Variants in NUP188 observed in about 807,000 individuals in gnomAD.
The protein encoded by NUP188 is nucleoporin NUP188.
A neutral mutation model predicts 223.0 loss-of-function variants in NUP188; 97 were observed. The observed-to-expected ratio is 0.43, with a 90% CI of 0.37 to 0.51. NUP188 has a LOEUF of 0.51. NUP188 is among the 20% of genes least tolerant of loss of function. The pLI, the probability that NUP188 is intolerant of heterozygous loss-of-function variation, is 0.00. For missense variants in NUP188, 1,947 were observed against 2,175.6 expected, an observed-to-expected ratio of 0.89 and a Z score of 2.09; for synonymous variants, 869 against 828.0, an observed-to-expected ratio of 1.05 and a Z score of -0.85.
intron 3 of NUP188, 54 bp downstream of exon 3, chr9:128,952,900 G>T (rs183838391): frequency 1.5e-6 from 2 of 1,345,414 alleles, no homozygotes; most frequent in African/African-American, 1.4e-5. Context: ...AAGCTGACAT[G>T]GATAAAACCA....
At chr9:128,985,939 T>C (rs746387046) in intron 20 of NUP188, among the ~76,000 whole-genome samples, 2 of 152,122 alleles carry the variant, frequency 1.3e-5, no homozygotes, top group African/African-American at 2.4e-5. Context: ...CTCAGTGGGC[T>C]GAGGCAGGAG....
intron 8 of NUP188, among the ~76,000 whole-genome samples, chr9:128,967,650 C>T (rs192420452): frequency 5.3e-5 from 8 of 152,010 alleles, no homozygotes; most frequent in Admixed American, 2.0e-4. Context: ...ATCAGCCGGG[C>T]GTGGTGGCAG....
chr9:128,975,694 A>T lies in NUP188; in HGVS notation c.1203+2445A>T, dbSNP rs549373483. The stretch of plus-strand genomic sequence containing the variant: ...GCCACCACGTCTGGCGAATTTTTGT[A>T]TTTTCAGTAGACGGGGTTTTGCCAT... On this transcript the variant is annotated intron_variant, in intron 12 of 43. Transcript: ENST00000372577. Among the ~76,000 whole-genome samples the T allele has an allele frequency of 3.3e-5, 5 of 150,026 alleles. No homozygotes were observed. In the South Asian group the frequency reaches 1.1e-3, roughly 32 times the overall value.
chr9:128,977,719 A>T (rs1842195479), intron 12 of NUP188, among the ~76,000 whole-genome samples: 1 of 151,982 alleles, frequency 6.6e-6, no homozygotes, highest in Non-Finnish European at 1.5e-5. Context: ...GAATTGCTTA[A>T]ACCGGGGAGG....
At chr9:128,988,961 G>T (rs1171398164) in intron 24 of NUP188, among the ~76,000 whole-genome samples, 1 of 151,798 alleles carries the variant, frequency 6.6e-6, no homozygotes, top group Non-Finnish European at 1.5e-5. Context: ...CGCTATGTTG[G>T]CCAGGCTGGT....
In NUP188 at chr9:128,982,551, G is replaced by T. The variant is rs763933518; in HGVS notation, c.1519G>T (p.Gly507Cys). 4 of 1,609,600 alleles carry T rather than the reference G, an allele frequency of 2.5e-6. No homozygotes were observed. In the African/African-American group the frequency reaches 5.4e-5, roughly 22 times the overall value. The change falls in exon 16 of 44, where the codon GGT becomes TGT. Residue 507 changes from glycine (G) to cysteine (C), a missense_variant and splice_region_variant. Coordinates refer to ENST00000372577, the MANE Select transcript of NUP188 (RefSeq NM_015354.3). ...QTPKLLYPLG[G>C]QTNLRIPQGT... ...ACTAATTTATCTTTCTCTCTCAGGGGGTCAAACCAACCTTCGCATACCTCA... is the reference window on the plus strand; with the variant it reads ...ACTAATTTATCTTTCTCTCTCAGGGTGTCAAACCAACCTTCGCATACCTCA...
In NUP188 at chr9:128,994,400, T is replaced by A. The variant is rs768866151; in HGVS notation, c.3045T>A (p.Ser1015Arg). 6.2e-7 allele frequency: 1 copy of A among 1,613,662 alleles called. No individual in the cohort carries two copies. Among genetic ancestry groups the A allele is most frequent in the Non-Finnish European group, 8.5e-7 (1 of 1,179,584 alleles). The change falls in exon 28 of 44, where the codon AGT becomes AGA. Residue 1015 changes from serine (S) to arginine (R), a missense_variant. Physicochemically the swap from Ser to Arg is moderately radical, Grantham distance 110. Transcript: ENST00000372577. ...TKPKFWENLT[S>R]PLFGTLSPPS... ...CCAAGTTTTGGGAAAATTTAACCAG[T>A]CCGCTGTTTGGAACCCTTTCTCCTC... is the stretch of plus-strand genomic sequence containing the variant.
chr9:128,996,184 C>T (rs1203633704), intron 30 of NUP188, among the ~76,000 whole-genome samples: 1 of 150,976 alleles, frequency 6.6e-6, no homozygotes, highest in African/African-American at 2.4e-5. Flanking sequence ...GAGTCTTGCT[C>T]CGTCACCCAG....
chr9:128,995,519 G>T lies in NUP188; in HGVS notation c.3351+5G>T, dbSNP rs1029182763. 1 of 1,574,446 alleles carries T rather than the reference G, an allele frequency of 6.4e-7. No individual in the cohort carries two copies. Among genetic ancestry groups the T allele is most frequent in the Non-Finnish European group, 8.6e-7 (1 of 1,162,072 alleles). On this transcript the variant is annotated splice_donor_5th_base_variant and intron_variant, in intron 30 of 43. Transcript: ENST00000372577. The stretch of plus-strand genomic sequence containing the variant: ...CTCATCATTGCCACCACTCATGTAA[G>T]ACCCTTTTGGGGAGAGTTTTCACTT...
chr9:128,948,454 TATCTC>T (rs770095120), intron 1 of NUP188: 1 of 152,110 alleles, frequency 6.6e-6, no homozygotes, highest in South Asian at 2.1e-4. Context: ...TCCCAGGAGT[TATCTC>T]ATTCAATTCT....
intron 3 of NUP188, among the ~76,000 whole-genome samples, chr9:128,953,116 ATATT>A (rs1382043091): frequency 1.3e-5 from 2 of 152,332 alleles, no homozygotes; most frequent in South Asian, 2.1e-4. Context: ...GAATTTTCTA[ATATT>A]TATTCAGAGT....
At chr9:128,998,316 G>A (rs945102280) in intron 31 of NUP188, 88 bp downstream of exon 31, 35 of 1,246,492 alleles carry the variant, frequency 2.8e-5, no homozygotes, top group African/African-American at 1.0e-4. Context: ...CCAGCCAGCC[G>A]CACAAATAGT....
At chr9:128,981,473 C>G in intron 15 of NUP188, 83 bp downstream of exon 15, 1 of 1,376,516 alleles carries the variant, frequency 7.3e-7, no homozygotes, top group Non-Finnish European at 9.9e-7. Flanking sequence ...AGTGCAGTGG[C>G]AAGATCATAG....
At position 129,002,908 on chromosome 9, in the gene NUP188, C is replaced by A; in HGVS notation, c.4229C>A (p.Thr1410Asn). The stretch of plus-strand genomic sequence containing the variant: ...TCCCTGATGGAGCAGCTGCTCAAAA[C>A]TCTGCGCTACAACTTCCTGCCTGAG... ...SMSLMEQLLKTLRYNFLPEAL... is the reference protein window; with the variant it reads ...SMSLMEQLLKNLRYNFLPEAL... The change falls in exon 37 of 44, where the codon ACT becomes AAT. Residue 1410 changes from threonine (T) to asparagine (N), a missense_variant. Thr to Asn is a moderately conservative substitution (Grantham distance 65). This residue lies in a region of NUP188 where 905 missense variants were observed against 990.6 expected (regional missense o/e 0.91). Coordinates refer to ENST00000372577, the MANE Select transcript of NUP188 (RefSeq NM_015354.3). 1.2e-6 allele frequency: 2 copies of A among 1,614,232 alleles called. No homozygotes were observed. The highest frequency in any genetic ancestry group is 2.2e-5 in the South Asian group (2 of 91,086).
intron 3 of NUP188, among the ~76,000 whole-genome samples, chr9:128,955,535 T>C (rs997711680): frequency 1.3e-5 from 2 of 152,208 alleles, no homozygotes; most frequent in African/African-American, 4.8e-5. Context: ...ATTTATTTTA[T>C]TTATCTTATA....
intron 33 of NUP188, 119 bp downstream of exon 33, chr9:128,999,436 C>A: frequency 7.1e-7 from 1 of 1,400,194 alleles, no homozygotes; most frequent in Non-Finnish European, 9.7e-7. Flanking sequence ...AGTTTCCAGT[C>A]ATGGAATTCT....
intron 33 of NUP188, 102 bp from the exon 34 acceptor site, chr9:128,999,522 C>T (rs555832699): frequency 1.5e-5 from 19 of 1,275,672 alleles, no homozygotes; most frequent in Admixed American, 2.0e-5. Flanking sequence ...TCCCTCCTAG[C>T]GCCCTAGTAC....
intron 17 of NUP188, 101 bp from the exon 18 acceptor site, chr9:128,983,192 G>A: frequency 1.4e-6 from 2 of 1,386,596 alleles, no homozygotes; most frequent in South Asian, 1.2e-5. Flanking sequence ...TTATATGTCT[G>A]CTGAGGGGAG....
intron 15 of NUP188, among the ~76,000 whole-genome samples, chr9:128,982,091 C>T (rs1282387558): frequency 6.7e-6 from 1 of 149,034 alleles, no homozygotes; most frequent in African/African-American, 2.5e-5. Context: ...AAAAAAAAGA[C>T]ACTTGTCTAC....
Sources: gnomAD v4.1 joint callset for allele counts (sites outside exome capture counted in the v4.1 genomes callset) on GRCh38, gnomAD v4.1.1 for gene constraint, gnomAD v4.1.1 regional missense constraint, MANE v1.5 for transcripts, NCBI Gene and HGNC (gene_info 2026-07-23, HGNC 2026-07-21) for gene names.